Variants in CDK12 observed in about 807,000 individuals in gnomAD.
CDK12 encodes the protein cyclin dependent kinase 12, also known as cyclin-dependent kinase 12.
Under a neutral mutation model 133.8 loss-of-function variants are expected in CDK12, and 17 were observed. The observed-to-expected ratio is 0.13, with a 90% CI of 0.09 to 0.19. The LOEUF is 0.19. Among genes scored for constraint, CDK12 ranks in the 10% least tolerant of loss-of-function variants. The pLI, the probability that CDK12 is intolerant of heterozygous loss-of-function variation, is 1.00. For missense variants in CDK12, 1,508 were observed against 1,818.7 expected (o/e 0.83, Z 3.11); for synonymous variants, 694 against 683.6 (o/e 1.02, Z -0.24).
rs772112311 is a variant in CDK12, at chr17:39,515,765, A to G, written c.2803A>G (p.Ile935Val). The change falls in exon 9 of 14, where the codon ATT (isoleucine) becomes GTT (valine). Residue 935 changes from isoleucine (I) to valine (V), a missense_variant. Around this residue, in one of 9 missense-constraint regions of CDK12, gnomAD observed 82 missense variants for 201.5 expected, o/e 0.41. Transcript: ENST00000447079. ...ILGELFTKKP[I>V]FQANLELAQL... ...TGGGGAACTATTCACAAAGAAGCCT[A>G]TTTTTCAAGCCAATCTGGAACTGGC... 32 of 1,613,480 alleles carry G rather than the reference A, an allele frequency of 2.0e-5. No individual in the cohort carries two copies. The African/African-American group carries it at 2.3e-4, about 11-fold the overall frequency.
chr17:39,538,962 G>A (rs2055284397), downstream of CDK12, among the ~76,000 whole-genome samples: 1 of 148,834 alleles, frequency 6.7e-6, no homozygotes. Flanking sequence ...CATAAGGCTA[G>A]TATCCTGAGC....
chr17:39,554,206 T>TA (rs1369913631), intron 2 of CDK12, among the ~76,000 whole-genome samples: 6 of 152,136 alleles, frequency 3.9e-5, no homozygotes, highest in African/African-American at 1.4e-4. Context: ...CAGCTGACAC[T>TA]AAATTTTTAG....
At chr17:39,499,301 G>C (rs2052540199) in intron 5 of CDK12, among the ~76,000 whole-genome samples, 1 of 147,248 alleles carries the variant, frequency 6.8e-6, no homozygotes, top group Non-Finnish European at 1.5e-5. Context: ...TCCGCCTCCT[G>C]GGTTCAAGCG....
intron 8 of CDK12, among the ~76,000 whole-genome samples, 187 bp from the exon 9 acceptor site, chr17:39,515,544 A>G (rs2053749449): frequency 6.6e-6 from 1 of 152,200 alleles, no homozygotes; most frequent in Non-Finnish European, 1.5e-5. Flanking sequence ...TCTGCTGGCA[A>G]ATTTAAATTC....
At chr17:39,474,842 A>T (rs57738284) in intron 2 of CDK12, among the ~76,000 whole-genome samples, 2,388 of 21,364 alleles carry the variant, frequency 0.11, 42 homozygotes, top group African/African-American at 0.28. Context: ...TTTTATTTTT[A>T]TTTTTTTTTG....
At chr17:39,505,322 C>G (rs922129633) in intron 6 of CDK12, among the ~76,000 whole-genome samples, 1 of 150,944 alleles carries the variant, frequency 6.6e-6, no homozygotes, top group African/African-American at 2.4e-5. Context: ...GTCAAGAGAT[C>G]GAGACCATCC....
chr17:39,485,799 G>C (rs945078049), intron 2 of CDK12, among the ~76,000 whole-genome samples: 4 of 151,540 alleles, frequency 2.6e-5, no homozygotes, highest in African/African-American at 9.7e-5. Context: ...TAGATCACTT[G>C]AGCCTCGAGG....
At chr17:39,537,824 A>C (rs1037612815), downstream of CDK12, among the ~76,000 whole-genome samples, 8 of 152,032 alleles carry the variant, frequency 5.3e-5, no homozygotes, top group Non-Finnish European at 7.4e-5. Context: ...GGCCTCCCAA[A>C]GTGCTCGGCC....
chr17:39,474,225 A>G, intron 2 of CDK12, among the ~76,000 whole-genome samples: 1 of 152,180 alleles, frequency 6.6e-6, no homozygotes, highest in Non-Finnish European at 1.5e-5. Context: ...TATTGAAACA[A>G]ACTTTTCATT....
At chr17:39,519,750 C>A (rs1332776373) in intron 10 of CDK12, among the ~76,000 whole-genome samples, 1 of 151,758 alleles carries the variant, frequency 6.6e-6, no homozygotes, top group African/African-American at 2.4e-5. Context: ...AGCATTGCAC[C>A]CAGCTAATTA....
At position 39,526,333 on chromosome 17, in the gene CDK12, T is replaced by C. The variant is rs1436698218; in HGVS notation, c.3760+17T>C. Reference sequence around the variant, plus strand: ...AGGCAGCAGGTAAACAGACCGGTCATGAATCTCATTGAGCTCAGGTGCTGT... The same window carrying C: ...AGGCAGCAGGTAAACAGACCGGTCACGAATCTCATTGAGCTCAGGTGCTGT... On this transcript the variant is annotated intron_variant, in intron 13 of 13. Transcript: ENST00000447079. 2 of 1,547,862 alleles carry C rather than the reference T, an allele frequency of 1.3e-6. No homozygotes were observed. Among genetic ancestry groups the C allele is most frequent in the Non-Finnish European group, 1.7e-6 (2 of 1,144,734 alleles).
At chr17:39,500,562 G>A (rs2052645264) in intron 5 of CDK12, among the ~76,000 whole-genome samples, 2 of 151,816 alleles carry the variant, frequency 1.3e-5, no homozygotes, top group South Asian at 4.1e-4. Flanking sequence ...GAACCCAGGA[G>A]GCGGAGGTTG....
At chr17:39,484,597 G>A (rs535750642) in intron 2 of CDK12, among the ~76,000 whole-genome samples, 2 of 152,212 alleles carry the variant, frequency 1.3e-5, no homozygotes, top group Non-Finnish European at 2.9e-5. Context: ...TATTCAAATT[G>A]TATATCCTGA....
chr17:39,537,970 C>T (rs2055218471), downstream of CDK12, among the ~76,000 whole-genome samples: 1 of 152,100 alleles, frequency 6.6e-6, no homozygotes, highest in Non-Finnish European at 1.5e-5. Context: ...CAGTTCATTT[C>T]AGGAAGACCC....
chr17:39,469,857 G>A (rs529979277), intron 1 of CDK12, among the ~76,000 whole-genome samples: 4 of 151,806 alleles, frequency 2.6e-5, no homozygotes, highest in East Asian at 3.9e-4. Context: ...GGCTAGTCTC[G>A]AACTCCCAAT....
intron 6 of CDK12, among the ~76,000 whole-genome samples, chr17:39,509,189 G>T (rs1441939726): frequency 6.6e-6 from 1 of 152,124 alleles, no homozygotes; most frequent in Non-Finnish European, 1.5e-5. Context: ...TTCTTTGCTT[G>T]TTTTTTCAGA....
rs1057210981 is a variant in CDK12 at position 39,508,869 on chromosome 17, C to T, written c.2610-836C>T. Among the ~76,000 whole-genome samples, 4 of 151,918 alleles carry T rather than the reference C, an allele frequency of 2.6e-5. No individual in the cohort carries two copies. The East Asian group carries it at 5.8e-4, about 22-fold the overall frequency. ...AATTAGCTGGACATATTGGTGCACA[C>T]CTATAGTCCCAGCTACTTGGGAGGC... is the stretch of plus-strand genomic sequence containing the variant. On this transcript the variant is annotated intron_variant, in intron 6 of 13. Coordinates refer to ENST00000447079, the MANE Select transcript of CDK12 (RefSeq NM_016507.4).
At chr17:39,499,456 G>A (rs544964303) in intron 5 of CDK12, among the ~76,000 whole-genome samples, 53 of 150,230 alleles carry the variant, frequency 3.5e-4, no homozygotes, top group African/African-American at 9.6e-4. Context: ...TGATCTGCCC[G>A]CCTTGGCCTC....
rs537281469 is a variant in CDK12 at position 39,494,493 on chromosome 17, T to C, written c.2249-31T>C. The stretch of plus-strand genomic sequence containing the variant: ...CACAATAGTGGCCAAAAATGCTCAT[T>C]GATAATAACAGTTTACATTTGTTTT... On this transcript the variant is annotated intron_variant, in intron 4 of 13. Transcript: ENST00000447079. 6.4e-5 allele frequency: 103 copies of C among 1,605,090 alleles called. 1 individual carries two copies. The South Asian group carries it at 1.0e-3, about 16-fold the overall frequency.
Sources: allele counts gnomAD v4.1 joint callset (sites outside exome capture counted in the v4.1 genomes callset), GRCh38; gene constraint gnomAD v4.1.1; regional missense constraint gnomAD v4.1.1; transcripts MANE v1.5; gene names NCBI Gene and HGNC (gene_info 2026-07-23, HGNC 2026-07-21).